NCBP3: variants seen among roughly 807,000 people sequenced by gnomAD.
The protein encoded by NCBP3 is nuclear cap-binding protein subunit 3.
In NCBP3, 20 loss-of-function variants were observed where a neutral mutation model predicts 75.7. The observed-to-expected ratio is 0.26, with a 90% confidence interval of 0.19 to 0.38. NCBP3 has a LOEUF of 0.38. Among genes scored for constraint, NCBP3 ranks in the 10% least tolerant of loss-of-function variants. NCBP3 has a pLI of 1.00. For synonymous variants in NCBP3, 293 were observed against 290.5 expected (o/e 1.01, Z -0.09); for missense variants, 678 against 796.9 (o/e 0.85, Z 1.80).
In NCBP3 at chr17:3,811,192, C is replaced by A; in HGVS notation, c.*1852G>T. ...GGAATTCTGGTAACAGCCCACTCAA[C>A]TGCTAGACGGGAAAACTGAGGCCCA... On this transcript the variant is annotated 3_prime_UTR_variant, in exon 13 of 13. Coordinates refer to ENST00000389005, the MANE Select transcript of NCBP3 (RefSeq NM_001114118.3). 1 of 152,484 alleles carries A rather than the reference C, an allele frequency of 6.6e-6. No individual in the cohort carries two copies. 9.4% of individuals were successfully genotyped at this position (152,484 alleles called of 1,614,324 possible). A position where few individuals can be genotyped will look rare whatever the true frequency, so the allele number is the denominator to read the frequency against.
intron 5 of NCBP3, 27 bp downstream of exon 5, chr17:3,826,060 C>T (rs553198838): frequency 7.1e-6 from 11 of 1,545,710 alleles, no homozygotes; most frequent in Non-Finnish European, 9.6e-6. Context: ...GACTTTCAGA[C>T]CCCAGTTCCC....
chr17:3,817,827 G>A (rs2053572104), intron 10 of NCBP3, among the ~76,000 whole-genome samples: 1 of 151,888 alleles, frequency 6.6e-6, no homozygotes, highest in African/African-American at 2.4e-5. Flanking sequence ...TCAAACAACA[G>A]ACTATATACA....
intron 7 of NCBP3, among the ~76,000 whole-genome samples, chr17:3,823,219 G>A (rs1274599893): frequency 2.0e-5 from 3 of 152,160 alleles, no homozygotes; most frequent in Non-Finnish European, 4.4e-5. Context: ...GCTGAGACAG[G>A]AGAATTGCTT....
chr17:3,816,027 A>G, intron 11 of NCBP3, 89 bp downstream of exon 11: 2 of 1,295,344 alleles, frequency 1.5e-6, no homozygotes, highest in Non-Finnish European at 2.1e-6. Flanking sequence ...CAGTTCACAC[A>G]TCGCATGTTT....
Position 3,825,067 on chromosome 17 carries a change from AT to A in NCBP3, c.688-18del. On this transcript the variant is annotated intron_variant, in intron 6 of 12. Transcript: ENST00000389005. ...CGTATCCAACTTAAGAAAGAAGAGT[AT>A]TTTTAATATAAAAATTAAAGTCCTT... The A allele has an allele frequency of 7.4e-7, 1 of 1,349,694 alleles. No individual in the cohort carries two copies. The highest frequency in any genetic ancestry group is 1.0e-6 in the Non-Finnish European group (1 of 988,790). 83.6% of individuals were successfully genotyped at this position (1,349,694 alleles called of 1,614,324 possible).
rs1350926446 is a variant in NCBP3 at position 3,846,091 on chromosome 17, C to T, written c.133G>A (p.Gly45Ser). Residue 45 changes from glycine (G) to serine (S), a missense_variant, in exon 1 of 13, where the codon GGC (glycine) becomes AGC (serine). By Grantham distance (56) the Gly-to-Ser change is moderately conservative. Transcript: ENST00000389005. This position sits in a 1 kb window ranked among gnomAD's most constrained non-coding sequence, Gnocchi z 4.6. ...CGCACAGGCACGATTTCCAGCTCGCCCTCCTCCACCTCCATGGGCTCCGGC... is the reference window on the plus strand; with the variant it reads ...CGCACAGGCACGATTTCCAGCTCGCTCTCCTCCACCTCCATGGGCTCCGGC... ...GEPEPMEVEEGELEIVPVRRS... is the reference protein window; with the variant it reads ...GEPEPMEVEESELEIVPVRRS... 6.5e-7 allele frequency: 1 copy of T among 1,549,272 alleles called. No individual in the cohort carries two copies.
rs2053355066 is a variant in NCBP3, at chr17:3,808,032, G to C, written c.*5012C>G. On this transcript the variant is annotated 3_prime_UTR_variant, in exon 13 of 13. Coordinates refer to ENST00000389005, the MANE Select transcript of NCBP3 (RefSeq NM_001114118.3). ...AAAGAAAAACAAATCAGTTGTTTGGGCCATTCCGCTGGCCCCTCCTTCACT... is the reference window on the plus strand; with the variant it reads ...AAAGAAAAACAAATCAGTTGTTTGGCCCATTCCGCTGGCCCCTCCTTCACT... The C allele has an allele frequency of 6.6e-6, 1 of 152,202 alleles. No individual in the cohort carries two copies. The highest frequency in any genetic ancestry group is 2.4e-5 in the African/African-American group (1 of 41,432). The allele number at this position is 152,202 out of a possible 1,614,324, so 9.4% of individuals were successfully genotyped here. A position where few individuals can be genotyped will look rare whatever the true frequency, so the allele number is the denominator to read the frequency against.
At chr17:3,829,179 A>C (rs2053836009) in intron 4 of NCBP3, 64 bp downstream of exon 4, 5 of 1,529,168 alleles carry the variant, frequency 3.3e-6, no homozygotes, top group Non-Finnish European at 8.8e-7. Context: ...ACCATCTCTG[A>C]TGGCAAGAAC....
chr17:3,833,952 C>T (rs1484478856), intron 3 of NCBP3, among the ~76,000 whole-genome samples: 1 of 152,180 alleles, frequency 6.6e-6, no homozygotes, highest in African/African-American at 2.4e-5. Flanking sequence ...GAAACCATCT[C>T]TTTACTTCCC....
intron 4 of NCBP3, among the ~76,000 whole-genome samples, chr17:3,828,681 T>TG: frequency 6.6e-6 from 1 of 152,010 alleles, no homozygotes; most frequent in East Asian, 1.9e-4. Context: ...GGAAAGCTCA[T>TG]GGGTCAGGGC....
chr17:3,812,493 C>A lies in NCBP3; in HGVS notation c.*551G>T. The A allele has an allele frequency of 1.0e-6, 1 of 990,564 alleles. No homozygotes were observed. Among genetic ancestry groups the A allele is most frequent in the Non-Finnish European group, 1.2e-6 (1 of 832,946 alleles). 61.4% of individuals were successfully genotyped at this position (990,564 alleles called of 1,614,324 possible). On this transcript the variant is annotated 3_prime_UTR_variant, in exon 13 of 13. Transcript: ENST00000389005. ...CAGTCAATGCTGCAGCTCTTATCTA[C>A]CTGGGCGGCACTGGTGCACCTCTGA...
At chr17:3,842,999 G>A (rs983099528) in intron 2 of NCBP3, 87 bp downstream of exon 2, 20 of 1,106,090 alleles carry the variant, frequency 1.8e-5, no homozygotes, top group African/African-American at 3.2e-5. Context: ...AATAAAAGAG[G>A]AAATATTTAC....
At chr17:3,824,445 CATACATACACACATACACGCG>C (rs1423484559) in intron 7 of NCBP3, 4 of 127,510 alleles carry the variant, frequency 3.1e-5, no homozygotes, top group African/African-American at 1.6e-4. Flanking sequence ...CATACACATG[CATACATACACACATACACGCG>C]ATACATACAT....
rs2053607072 is a variant in NCBP3, at chr17:3,818,947, A to G, written c.1001-375T>C. 6.6e-6 allele frequency among the ~76,000 whole-genome samples: 1 copy of G among 152,172 alleles called. No homozygotes were observed. The highest frequency in any genetic ancestry group is 2.4e-5 in the African/African-American group (1 of 41,428). On this transcript the variant is annotated intron_variant, in intron 9 of 12. Transcript: ENST00000389005. This position sits in a 1 kb window ranked among gnomAD's most constrained non-coding sequence, Gnocchi z 4.7. ...AAAAAATCTGAGTCACCAGGCACACACACTCCCAGTGGAGGTCAAACAAAG... is the reference window on the plus strand; with the variant it reads ...AAAAAATCTGAGTCACCAGGCACACGCACTCCCAGTGGAGGTCAAACAAAG...
rs2053386966 is a variant in NCBP3 at position 3,810,139 on chromosome 17, G to A, written c.*2905C>T. On this transcript the variant is annotated 3_prime_UTR_variant, in exon 13 of 13. Transcript: ENST00000389005. ...ACTCAAGTGTACACTTTAAATGGCTGAACTGTATGCAAATTACATCTAAAT... is the reference window on the plus strand; with the variant it reads ...ACTCAAGTGTACACTTTAAATGGCTAAACTGTATGCAAATTACATCTAAAT... 1 of 152,230 alleles carries A rather than the reference G, an allele frequency of 6.6e-6. No homozygotes were observed. The highest frequency in any genetic ancestry group is 6.5e-5 in the Admixed American group (1 of 15,272). The allele number at this position is 152,230 out of a possible 1,614,324, so 9.4% of individuals were successfully genotyped here. A position where few individuals can be genotyped will look rare whatever the true frequency, so the allele number is the denominator to read the frequency against.
At chr17:3,816,394 A>G in intron 10 of NCBP3, 124 bp from the exon 11 acceptor site, 2 of 805,280 alleles carry the variant, frequency 2.5e-6, no homozygotes, top group Non-Finnish European at 3.9e-6. Context: ...GCCAACATTC[A>G]CTTACAAATC....
intron 3 of NCBP3, among the ~76,000 whole-genome samples, chr17:3,839,204 C>CA (rs977838485): frequency 2.5e-4 from 38 of 151,900 alleles, no homozygotes; most frequent in Admixed American, 2.0e-3. Context: ...CAAAATACCC[C>CA]AAAAAAACAC....
intron 10 of NCBP3, among the ~76,000 whole-genome samples, chr17:3,816,816 G>A (rs1468421387): frequency 1.2e-4 from 19 of 152,144 alleles, no homozygotes; most frequent in Admixed American, 1.2e-3. Context: ...GGCGGATCAC[G>A]AGGTCAGGAG....
At chr17:3,827,571 G>T (rs1237258896) in intron 4 of NCBP3, among the ~76,000 whole-genome samples, 1 of 152,194 alleles carries the variant, frequency 6.6e-6, no homozygotes, top group Non-Finnish European at 1.5e-5. Context: ...ACTTAAAAGA[G>T]TATTTCTCAA....
Sources: gnomAD v4.1 joint callset for allele counts (sites outside exome capture counted in the v4.1 genomes callset) on GRCh38, gnomAD v4.1.1 for gene constraint, Gnocchi (gnomAD v3.1) non-coding constraint, MANE v1.5 for transcripts, NCBI Gene and HGNC (gene_info 2026-07-23, HGNC 2026-07-21) for gene names.